MANEA: variants seen among roughly 807,000 people sequenced by gnomAD.
The protein encoded by MANEA is glycoprotein endo-alpha-1,2-mannosidase.
In MANEA, 25 loss-of-function variants were observed where a neutral mutation model predicts 36.8. The observed-to-expected ratio is 0.68, with a 90% CI of 0.50 to 0.95. MANEA has a LOEUF of 0.95. MANEA is among the 40% of genes least tolerant of loss of function. The pLI, the probability that MANEA is intolerant of heterozygous loss-of-function variation, is 0.00. For missense variants in MANEA, 565 were observed against 558.8 expected (o/e 1.01, Z -0.11); for synonymous variants, 198 against 188.5 (o/e 1.05, Z -0.41).
rs144375418 is a variant in MANEA at position 95,589,625 on chromosome 6, T to C, written c.544+2642T>C. Among the ~76,000 whole-genome samples, 107 of 152,290 alleles carry C rather than the reference T, an allele frequency of 7.0e-4. 2 individuals carry two copies. The East Asian group carries it at 0.02, about 28-fold the overall frequency. ...TAGATTTGTATCCTTTTCAAGTCTT[T>C]TAAGTAAAATATTACGTATCATGTA... On this transcript the variant is annotated intron_variant, in intron 2 of 4. Transcript: ENST00000358812.
intron 4 of MANEA, among the ~76,000 whole-genome samples, chr6:95,605,499 T>C (rs1424300833): frequency 1.3e-5 from 2 of 152,186 alleles, no homozygotes; most frequent in Admixed American, 1.3e-4. Context: ...TTTTATGGCA[T>C]TAGTCATCAT....
intron 2 of MANEA, 146 bp downstream of exon 2, chr6:95,587,129 C>T (rs1045870218): frequency 3.4e-6 from 2 of 583,704 alleles, no homozygotes; most frequent in Non-Finnish European, 6.1e-6. Context: ...TATGTATGAT[C>T]TTAAACATCC....
chr6:95,603,536 G>A (rs1283235994), intron 3 of MANEA, among the ~76,000 whole-genome samples: 15 of 151,652 alleles, frequency 9.9e-5, no homozygotes, highest in South Asian at 2.1e-4. Flanking sequence ...ATTTAAAGTA[G>A]AAAATTATAT....
chr6:95,594,481 C>T (rs1769449480), intron 2 of MANEA, among the ~76,000 whole-genome samples: 1 of 152,036 alleles, frequency 6.6e-6, no homozygotes, highest in Admixed American at 6.6e-5. Context: ...TGCTTTTTAT[C>T]TTTTTTAAAC....
chr6:95,578,960 C>T (rs1047177121), intron 1 of MANEA, among the ~76,000 whole-genome samples: 2 of 152,182 alleles, frequency 1.3e-5, no homozygotes, highest in Non-Finnish European at 2.9e-5. Flanking sequence ...GAGCCAGACT[C>T]GATCTGCTCC....
At chr6:95,602,382 C>T (rs1769609838) in intron 3 of MANEA, among the ~76,000 whole-genome samples, 1 of 151,990 alleles carries the variant, frequency 6.6e-6, no homozygotes. Flanking sequence ...AGTAGGAAGA[C>T]CTACCTCAAT....
At position 95,586,933 on chromosome 6, in the gene MANEA, A is replaced by T. The variant is rs1416590444; in HGVS notation, c.494A>T (p.Asp165Val). Residue 165 changes from aspartate to valine, a missense_variant, in exon 2 of 5, where the codon GAT becomes GTT. Transcript: ENST00000358812. ...GAATTGGGAAGTTACAGTTCTCGGGATCCTTCTGTCATAGAAACTCACATG... is the reference window on the plus strand; with the variant it reads ...GAATTGGGAAGTTACAGTTCTCGGGTTCCTTCTGTCATAGAAACTCACATG... ...YPELGSYSSR[D>V]PSVIETHMRQ... 1.2e-6 allele frequency: 2 copies of T among 1,612,804 alleles called. No individual in the cohort carries two copies. The highest frequency in any genetic ancestry group is 1.7e-6 in the Non-Finnish European group (2 of 1,179,262).
chr6:95,582,353 T>A (rs960025908), intron 1 of MANEA, among the ~76,000 whole-genome samples: 1 of 151,860 alleles, frequency 6.6e-6, no homozygotes, highest in Non-Finnish European at 1.5e-5. Context: ...CTGGCTAATT[T>A]TTTGTATTTT....
rs546258814 is a variant in MANEA, at chr6:95,580,158, C to T, written c.-39+2520C>T. The stretch of plus-strand genomic sequence containing the variant: ...TCTTTATAATATGTTCAGTATACAC[C>T]GTAAACTTATCAAGTGTGTATACGG... On this transcript the variant is annotated intron_variant, in intron 1 of 4. Transcript: ENST00000358812. 7.2e-5 allele frequency among the ~76,000 whole-genome samples: 11 copies of T among 151,826 alleles called. No individual in the cohort carries two copies. In the South Asian group the frequency reaches 1.9e-3, roughly 26 times the overall value.
chr6:95,603,165 C>T (rs917813752), intron 3 of MANEA, among the ~76,000 whole-genome samples: 1 of 151,182 alleles, frequency 6.6e-6, no homozygotes, highest in East Asian at 1.9e-4. Flanking sequence ...CTGCGCTTTA[C>T]AAAAATAGCA....
intron 1 of MANEA, among the ~76,000 whole-genome samples, chr6:95,580,633 G>A (rs1435982824): frequency 6.6e-6 from 1 of 151,046 alleles, no homozygotes; most frequent in African/African-American, 2.4e-5. Context: ...GCTGAAGCAG[G>A]AGAATGGCAT....
chr6:95,605,909 T>A lies in MANEA; in HGVS notation c.893T>A (p.Leu298Gln). 6.2e-7 allele frequency: 1 copy of A among 1,614,028 alleles called. No individual in the cohort carries two copies. The highest frequency in any genetic ancestry group is 8.5e-7 in the Non-Finnish European group (1 of 1,179,988). Residue 298 changes from leucine to glutamine, a missense_variant, in exon 5 of 5, where the codon CTG (leucine) becomes CAG (glutamine). Transcript: ENST00000358812. ...ATTCGCAATTCTCCTTATGATGGAC[T>A]GTTTATTGCCCTTCTGGTAGAAGAA... Reference protein sequence around the residue: ...RSIRNSPYDGLFIALLVEEKH... With the variant: ...RSIRNSPYDGQFIALLVEEKH...
At chr6:95,581,901 T>G (rs575390909) in intron 1 of MANEA, among the ~76,000 whole-genome samples, 1 of 152,284 alleles carries the variant, frequency 6.6e-6, no homozygotes, top group African/African-American at 2.4e-5. Context: ...GTTCTACTTT[T>G]AGAAAACAGA....
At chr6:95,598,215 C>T (rs920147633) in intron 3 of MANEA, among the ~76,000 whole-genome samples, 4 of 152,136 alleles carry the variant, frequency 2.6e-5, no homozygotes, top group Admixed American at 2.6e-4. Flanking sequence ...CAAGTATACT[C>T]ACTATCTATT....
At chr6:95,586,006 TAAATA>T (rs1391371213) in intron 1 of MANEA, among the ~76,000 whole-genome samples, 1 of 152,096 alleles carries the variant, frequency 6.6e-6, no homozygotes, top group Non-Finnish European at 1.5e-5. Flanking sequence ...CTACAATAAA[TAAATA>T]AATGATTTTT....
intron 2 of MANEA, among the ~76,000 whole-genome samples, chr6:95,593,785 C>T (rs186222601): frequency 1.1e-3 from 167 of 152,122 alleles, no homozygotes; most frequent in African/African-American, 3.7e-3. Flanking sequence ...TGGTGGCTCA[C>T]GCCTGTAATC....
rs1769712662 is a variant in MANEA, at chr6:95,606,342, G to A, written c.1326G>A (p.Trp442Ter). ...PGLYLELTRKWSEKYSKERAT... is the reference protein window; with the variant it reads ...PGLYLELTRK The stretch of plus-strand genomic sequence containing the variant: ...TTTACCTAGAACTGACTCGCAAGTG[G>A]TCTGAAAAATACAGTAAGGAAAGAG... The change falls in exon 5 of 5, where the codon TGG (tryptophan) becomes TGA (stop). Residue 442 changes from tryptophan to a stop codon, truncating the protein, a stop_gained. Coordinates refer to ENST00000358812, the MANE Select transcript of MANEA (RefSeq NM_024641.4). LOFTEE classifies it high-confidence loss of function. The A allele has an allele frequency of 6.2e-7, 1 of 1,608,178 alleles. No homozygotes were observed. Among genetic ancestry groups the A allele is most frequent in the Non-Finnish European group, 8.5e-7 (1 of 1,179,806 alleles).
chr6:95,589,511 GAA>G (rs1424398397), intron 2 of MANEA, among the ~76,000 whole-genome samples: 1 of 152,046 alleles, frequency 6.6e-6, no homozygotes, highest in African/African-American at 2.4e-5. Flanking sequence ...TCATTGAAAA[GAA>G]TGATAAAATT....
chr6:95,604,038 A>ATGTG (rs2093427270), intron 3 of MANEA, among the ~76,000 whole-genome samples: 1 of 134,346 alleles, frequency 7.4e-6, no homozygotes, highest in African/African-American at 2.7e-5. Context: ...TAATGTATGT[A>ATGTG]TGTGTGCGTA....
Sources: allele counts gnomAD v4.1 joint callset (sites outside exome capture counted in the v4.1 genomes callset), GRCh38; gene constraint gnomAD v4.1.1; transcripts MANE v1.5; gene names NCBI Gene and HGNC (gene_info 2026-07-23, HGNC 2026-07-21).